The following SORD variants were observed in gnomAD, a reference collection of about 807,000 sequenced individuals.
SORD encodes (R,R)-butanediol dehydrogenase.
A neutral mutation model predicts 35.6 loss-of-function variants in SORD; 18 were observed. That is an observed-to-expected ratio of 0.51 (90% CI 0.35 to 0.75). SORD has a LOEUF of 0.75. SORD is among the 30% of genes least tolerant of loss of function. The pLI, the probability that SORD is intolerant of heterozygous loss-of-function variation, is 0.01. For missense variants in SORD, 250 were observed against 390.2 expected (o/e 0.64, Z 3.03); for synonymous variants, 106 against 152.9 (o/e 0.69, Z 2.26).
intron 8 of SORD, among the ~76,000 whole-genome samples, chr15:45,073,058 C>T (rs546397925): frequency 7.5e-6 from 1 of 134,098 alleles, no homozygotes; most frequent in East Asian, 1.9e-4. Flanking sequence ...CTCCCCACGG[C>T]TTCTCTGCCT....
intron 3 of SORD, among the ~76,000 whole-genome samples, chr15:45,056,500 T>A (rs1200953294): frequency 6.6e-6 from 1 of 152,196 alleles, no homozygotes; most frequent in Non-Finnish European, 1.5e-5. Flanking sequence ...TACAAAGCAA[T>A]GGAAGAACAT....
At chr15:45,038,256 A>G (rs1436455753) in intron 1 of SORD, among the ~76,000 whole-genome samples, 4 of 151,358 alleles carry the variant, frequency 2.6e-5, no homozygotes, top group Admixed American at 6.6e-5. Flanking sequence ...TTTTGCCCCC[A>G]TCGGGCTGCT....
chr15:45,036,411 G>T (rs1892866916), intron 1 of SORD: 6 of 453,538 alleles, frequency 1.3e-5, no homozygotes, highest in Non-Finnish European at 2.7e-5. Context: ...AAGAAATTCG[G>T]CCAGGCACAG....
At chr15:45,067,088 A>G (rs1024707516) in intron 5 of SORD, among the ~76,000 whole-genome samples, 2 of 152,188 alleles carry the variant, frequency 1.3e-5, no homozygotes, top group Non-Finnish European at 2.9e-5. Flanking sequence ...CAGGCTGGGC[A>G]TGGTGGCTCA....
intron 1 of SORD, among the ~76,000 whole-genome samples, chr15:45,036,802 A>AC (rs1491267594): frequency 2.6e-5 from 4 of 152,062 alleles, no homozygotes; most frequent in Admixed American, 2.0e-4. Context: ...GAGAAAAAAA[A>AC]GAGCTGTGGA....
chr15:45,055,631 C>A (rs1245138476), intron 3 of SORD, among the ~76,000 whole-genome samples: 1 of 152,226 alleles, frequency 6.6e-6, no homozygotes, highest in African/African-American at 2.4e-5. Flanking sequence ...TCCTCCCTAA[C>A]TCATTTTATG....
chr15:45,052,497 GA>G (rs1566961593), intron 3 of SORD, among the ~76,000 whole-genome samples: 1 of 152,164 alleles, frequency 6.6e-6, no homozygotes, highest in Non-Finnish European at 1.5e-5. Context: ...CCTCCACAGA[GA>G]AAAATCCCAT....
chr15:45,045,360 A>T (rs1893029609), intron 3 of SORD, among the ~76,000 whole-genome samples: 1 of 151,976 alleles, frequency 6.6e-6, no homozygotes, highest in Non-Finnish European at 1.5e-5. Flanking sequence ...CAATATGGTG[A>T]AACTCTGTCT....
intron 1 of SORD, among the ~76,000 whole-genome samples, chr15:45,023,800 A>C (rs1841044317): frequency 6.6e-6 from 1 of 152,208 alleles, no homozygotes; most frequent in South Asian, 2.1e-4. Context: ...CTTGGGACTG[A>C]TAAACCTCCC....
intron 1 of SORD, among the ~76,000 whole-genome samples, chr15:45,027,692 T>C (rs1892698122): frequency 6.6e-6 from 1 of 152,264 alleles, no homozygotes; most frequent in Non-Finnish European, 1.5e-5. Context: ...TGTATGCCCC[T>C]TTGATCAGTC....
chr15:45,037,268 T>A (rs538768571), intron 1 of SORD, among the ~76,000 whole-genome samples: 1 of 151,916 alleles, frequency 6.6e-6, no homozygotes, highest in Non-Finnish European at 1.5e-5. Flanking sequence ...TCTGGGAGAG[T>A]CACTGCAGCT....
chr15:45,038,895 T>C (rs1892918756), intron 1 of SORD, among the ~76,000 whole-genome samples: 1 of 152,156 alleles, frequency 6.6e-6, no homozygotes, highest in Admixed American at 6.5e-5. Flanking sequence ...TTCTCATCAC[T>C]TGTTTGGCAT....
At chr15:45,051,337 A>G (rs945000316) in intron 3 of SORD, among the ~76,000 whole-genome samples, 2 of 152,212 alleles carry the variant, frequency 1.3e-5, no homozygotes, top group Admixed American at 6.5e-5. Flanking sequence ...AAGATTAAAC[A>G]TGACTTTGGC....
chr15:45,030,666 G>A (rs971406814), intron 1 of SORD, among the ~76,000 whole-genome samples: 1 of 152,234 alleles, frequency 6.6e-6, no homozygotes. Flanking sequence ...ATAAGATCAT[G>A]TATGGTTATG....
rs1893563776 is a variant in SORD at position 45,074,435 on chromosome 15, A to C, written c.*905A>C. 1 of 72,926 alleles carries C rather than the reference A, an allele frequency of 1.4e-5. No individual in the cohort carries two copies. The highest frequency in any genetic ancestry group is 2.3e-5 in the Non-Finnish European group (1 of 43,018). The allele number at this position is 72,926 out of a possible 1,614,324, so 4.5% of individuals were successfully genotyped here. On this transcript the variant is annotated 3_prime_UTR_variant, in exon 9 of 9. Coordinates refer to ENST00000267814, the MANE Select transcript of SORD (RefSeq NM_003104.6). ...GCATCCCATACTAGACTCATACTCA[A>C]CTCAACTAGGCTCATACTCAATTGA...
At chr15:45,069,260 G>A (rs185308643) in intron 7 of SORD, among the ~76,000 whole-genome samples, 180 of 134,686 alleles carry the variant, frequency 1.3e-3, no homozygotes, top group African/African-American at 4.4e-3. Context: ...AGGCTGGAGT[G>A]CCGTGGCTCG....
chr15:45,053,903 T>G (rs1893169808), intron 3 of SORD, among the ~76,000 whole-genome samples: 1 of 140,068 alleles, frequency 7.1e-6, no homozygotes, highest in Non-Finnish European at 1.5e-5. Context: ...TGTTTGGTTT[T>G]TTGTCCTTGC....
At position 45,061,172 on chromosome 15, in the gene SORD, C is replaced by A; in HGVS notation, c.371C>A (p.Pro124His). Residue 124 changes from proline to histidine, a missense_variant, in exon 4 of 9, where the codon CCC (proline) becomes CAC (histidine). This residue lies in a region of SORD where 126 missense variants were observed against 148.7 expected (regional missense o/e 0.85). Coordinates refer to ENST00000267814, the MANE Select transcript of SORD (RefSeq NM_003104.6). ...SPSIFFCATPPDDGNLCRFYK... is the reference protein window; with the variant it reads ...SPSIFFCATPHDDGNLCRFYK... ...TCCATCTTCTTCTGTGCCACGCCCCCCGATGACGGGAACCTCTGCCGGTTC... is the reference window on the plus strand; with the variant it reads ...TCCATCTTCTTCTGTGCCACGCCCCACGATGACGGGAACCTCTGCCGGTTC... 5 of 1,614,222 alleles carry A rather than the reference C, an allele frequency of 3.1e-6. No individual in the cohort carries two copies. The highest frequency in any genetic ancestry group is 4.2e-6 in the Non-Finnish European group (5 of 1,180,034).
intron 3 of SORD, chr15:45,050,701 A>G (rs748429972): frequency 1.3e-5 from 2 of 152,234 alleles, no homozygotes; most frequent in Non-Finnish European, 2.9e-5. Context: ...TACTGCGCTG[A>G]TGGAAACAAC....
Sources: allele counts gnomAD v4.1 joint callset (sites outside exome capture counted in the v4.1 genomes callset), GRCh38; gene constraint gnomAD v4.1.1; regional missense constraint gnomAD v4.1.1; transcripts MANE v1.5; gene names NCBI Gene and HGNC (gene_info 2026-07-23, HGNC 2026-07-21).